The following VDR variants were observed in gnomAD, a reference collection of about 807,000 sequenced individuals.
VDR encodes the protein vitamin D receptor, also known as vitamin D3 receptor.
VDR carries 19 observed loss-of-function variants against 39.7 expected under a neutral mutation model. The observed-to-expected ratio is 0.48, with a 90% CI of 0.33 to 0.70. The LOEUF (loss-of-function observed/expected upper bound fraction) is 0.70, where lower values mean the gene tolerates loss of function less well. Among genes scored for constraint, VDR ranks in the 30% least tolerant of loss-of-function variants. VDR has a pLI of 0.02. For missense variants in VDR, 442 were observed against 570.5 expected (o/e 0.77, Z 2.29); for synonymous variants, 242 against 215.8 (o/e 1.12, Z -1.07).
chr12:47,880,974 T>C (rs765339451), intron 2 of VDR, among the ~76,000 whole-genome samples: 6 of 149,698 alleles, frequency 4.0e-5, no homozygotes, highest in African/African-American at 1.5e-4. Flanking sequence ...TATATACCTA[T>C]ATATAAAGAG....
rs1352764149 is a variant in VDR, at chr12:47,866,514, G to T, written c.147-1337C>A. ...GAAGTCTTCTAGATTCTAGAGACCTGTGACTGGAATAGCTCCTGTTCCAGG... is the reference window on the plus strand; with the variant it reads ...GAAGTCTTCTAGATTCTAGAGACCTTTGACTGGAATAGCTCCTGTTCCAGG... On this transcript the variant is annotated intron_variant, in intron 3 of 9. Coordinates refer to ENST00000549336, the MANE Select transcript of VDR (RefSeq NM_000376.3). 2.0e-5 allele frequency among the ~76,000 whole-genome samples: 3 copies of T among 152,226 alleles called. 1 individual carries two copies. The South Asian group carries it at 6.2e-4, about 32-fold the overall frequency.
chr12:47,858,088 CTG>C (rs1304213574), intron 4 of VDR, among the ~76,000 whole-genome samples: 1 of 124,782 alleles, frequency 8.0e-6, no homozygotes, highest in Non-Finnish European at 1.7e-5. Context: ...GTGTGTGTGT[CTG>C]TGTGTGTTGA....
Position 47,842,832 on chromosome 12 carries a change from G to C in VDR, c.*1914C>G, listed in dbSNP as rs1945198385. On this transcript the variant is annotated 3_prime_UTR_variant, in exon 10 of 10. Coordinates refer to ENST00000549336, the MANE Select transcript of VDR (RefSeq NM_000376.3). ...GGGTGAGTCACGCCCTCCTCTGTCA[G>C]TTTTCCTGAATGAGGGGATTGACTC... The C allele has an allele frequency of 6.6e-6, 1 of 152,032 alleles. No individual in the cohort carries two copies. Among genetic ancestry groups the C allele is most frequent in the Non-Finnish European group, 1.5e-5 (1 of 68,026 alleles). 9.4% of individuals were successfully genotyped at this position (152,032 alleles called of 1,614,324 possible).
chr12:47,856,837 A>G (rs1233385796), intron 6 of VDR, among the ~76,000 whole-genome samples: 1 of 152,138 alleles, frequency 6.6e-6, no homozygotes, highest in East Asian at 1.9e-4. Context: ...GGTCACCTCC[A>G]CGGAGGGGGC....
intron 1 of VDR, chr12:47,899,805 C>G (rs1418864081): frequency 3.0e-5 from 24 of 794,366 alleles, no homozygotes; most frequent in Non-Finnish European, 3.4e-5. Context: ...GGTTTCCCCA[C>G]TATGCCTGCT....
In VDR at chr12:47,850,532, A is replaced by T. The variant is rs181918304; in HGVS notation, c.756-3724T>A. ...TTTTAGTGGGATCACTGCTTTTGTGATCCAGACATCCTGCTGCTAGGAACA... is the reference window on the plus strand; with the variant it reads ...TTTTAGTGGGATCACTGCTTTTGTGTTCCAGACATCCTGCTGCTAGGAACA... On this transcript the variant is annotated intron_variant, in intron 7 of 9. Transcript: ENST00000549336. Among the ~76,000 whole-genome samples, 3 of 152,218 alleles carry T rather than the reference A, an allele frequency of 2.0e-5. No homozygotes were observed. The East Asian group carries it at 5.8e-4, about 29-fold the overall frequency.
chr12:47,872,753 A>G (rs1945908944), intron 3 of VDR, among the ~76,000 whole-genome samples: 1 of 152,202 alleles, frequency 6.6e-6, no homozygotes, highest in East Asian at 1.9e-4. Flanking sequence ...TCACATAGTT[A>G]TACTTTCCAA....
At chr12:47,863,350 G>T (rs1254747065) in intron 4 of VDR, among the ~76,000 whole-genome samples, 1 of 152,140 alleles carries the variant, frequency 6.6e-6, no homozygotes, top group Non-Finnish European at 1.5e-5. Flanking sequence ...GGTAGGAGAG[G>T]GGCCTCTTGG....
intron 1 of VDR, 157 bp from the exon 2 acceptor site, chr12:47,882,931 T>G: frequency 1.7e-6 from 1 of 577,900 alleles, no homozygotes; most frequent in South Asian, 2.3e-5. Flanking sequence ...GCATGCCATG[T>G]CATCGCTGGC....
intron 3 of VDR, among the ~76,000 whole-genome samples, chr12:47,876,954 G>T (rs993866368): frequency 3.3e-5 from 5 of 152,218 alleles, no homozygotes; most frequent in South Asian, 4.1e-4. Flanking sequence ...GAGTGGATTT[G>T]GGGGTAGAGA....
intron 4 of VDR, 120 bp downstream of exon 4, chr12:47,864,927 A>T: frequency 6.5e-7 from 1 of 1,550,312 alleles, no homozygotes; most frequent in East Asian, 2.3e-5. Context: ...CTGGCCCCAG[A>T]TGCTGGCAGC....
At chr12:47,858,381 G>C (rs949881412) in intron 4 of VDR, among the ~76,000 whole-genome samples, 1 of 152,188 alleles carries the variant, frequency 6.6e-6, no homozygotes, top group African/African-American at 2.4e-5. Flanking sequence ...AGACCTCTTT[G>C]GTTCTCTGCA....
At chr12:47,883,163 AT>A (rs1946192127) in intron 1 of VDR, among the ~76,000 whole-genome samples, 1 of 152,098 alleles carries the variant, frequency 6.6e-6, no homozygotes, top group African/African-American at 2.4e-5. Flanking sequence ...CCATCTCCAG[AT>A]TGTAGGCAGC....
chr12:47,855,752 ATCT>A lies in VDR; in HGVS notation c.630_632del (p.Glu210del), dbSNP rs1945472829. 1.2e-6 allele frequency: 2 copies of A among 1,614,080 alleles called. No homozygotes were observed. The highest frequency in any genetic ancestry group is 2.2e-5 in the South Asian group (2 of 91,090). On this transcript the variant is annotated inframe_deletion, in exon 7 of 10. Coordinates refer to ENST00000549336, the MANE Select transcript of VDR (RefSeq NM_000376.3). ...CTAGGGTCACAGAAGGGTCATCTGAATCTTCTTCACTCAGATCCAGATTGGAGA... is the reference window on the plus strand; with the variant it reads ...CTAGGGTCACAGAAGGGTCATCTGAATCTTCACTCAGATCCAGATTGGAGA...
At chr12:47,904,700 G>T in intron 1 of VDR, 2 of 1,469,682 alleles carry the variant, frequency 1.4e-6, no homozygotes, top group Non-Finnish European at 1.8e-6. Context: ...CTGTGTTAGC[G>T]GAGCATTTCT....
chr12:47,885,685 C>G (rs1372341928), intron 1 of VDR, among the ~76,000 whole-genome samples: 1 of 152,226 alleles, frequency 6.6e-6, no homozygotes, highest in Admixed American at 6.5e-5. Flanking sequence ...GAATTCCCAT[C>G]ATGAGAAGCA....
At chr12:47,860,942 T>G (rs569399043) in intron 4 of VDR, among the ~76,000 whole-genome samples, 1 of 152,376 alleles carries the variant, frequency 6.6e-6, no homozygotes, top group Non-Finnish European at 1.5e-5. Flanking sequence ...GAGAGCCTTT[T>G]GTATATTAAC....
At chr12:47,858,616 C>T (rs1945546506) in intron 4 of VDR, among the ~76,000 whole-genome samples, 1 of 152,238 alleles carries the variant, frequency 6.6e-6, no homozygotes, top group Non-Finnish European at 1.5e-5. Context: ...ATGCTGGGAG[C>T]AAAGGTGCCT....
intron 7 of VDR, among the ~76,000 whole-genome samples, chr12:47,852,919 T>C (rs1275286795): frequency 2.0e-5 from 3 of 152,196 alleles, no homozygotes; most frequent in Admixed American, 2.0e-4. Context: ...GCACTGAATC[T>C]GAGCATTAGT....
Sources: allele counts gnomAD v4.1 joint callset (sites outside exome capture counted in the v4.1 genomes callset), GRCh38; gene constraint gnomAD v4.1.1; transcripts MANE v1.5; gene names NCBI Gene and HGNC (gene_info 2026-07-23, HGNC 2026-07-21).